EGFR: variants seen among roughly 807,000 people sequenced by gnomAD.
EGFR encodes the protein avian erythroblastic leukemia viral (v-erb-b) oncogene homolog.
A neutral mutation model predicts 143.0 loss-of-function variants in EGFR; 58 were observed. The ratio of observed to expected loss-of-function variants is 0.41; its 90% CI spans 0.33 to 0.50. EGFR has a LOEUF of 0.50. Among genes scored for constraint, EGFR ranks in the 20% least tolerant of loss-of-function variants. The pLI is 0.39. For synonymous variants in EGFR, 613 were observed against 594.4 expected, an observed-to-expected ratio of 1.03 and a Z score of -0.45; for missense variants, 1,307 against 1,579.0, an observed-to-expected ratio of 0.83 and a Z score of 2.92.
chr7:55,049,798 A>G (rs764413643), intron 1 of EGFR, among the ~76,000 whole-genome samples: 4 of 152,236 alleles, frequency 2.6e-5, no homozygotes, highest in Non-Finnish European at 5.9e-5. Flanking sequence ...TCCCTTGCTT[A>G]CAGATTGCAT....
Position 55,192,849 on chromosome 7 carries a change from A to G in EGFR, c.2701+8A>G, listed in dbSNP as rs1395132436. ...GTGATGTCTGGAGCTACGGTGAGTC[A>G]TAATCCTGATGCTAATGAGTTTGTA... On this transcript the variant is annotated splice_region_variant and intron_variant, in intron 22 of 27. Transcript: ENST00000275493. 1 of 1,613,648 alleles carries G rather than the reference A, an allele frequency of 6.2e-7. No homozygotes were observed. Among genetic ancestry groups the G allele is most frequent in the Non-Finnish European group, 8.5e-7 (1 of 1,179,590 alleles).
intron 11 of EGFR, among the ~76,000 whole-genome samples, chr7:55,159,928 A>G (rs1007083725): frequency 1.6e-4 from 24 of 152,358 alleles, no homozygotes; most frequent in African/African-American, 5.8e-4. Flanking sequence ...GGTTAAAGAT[A>G]CTAAATAAAC....
At chr7:55,116,289 C>T (rs1792836422) in intron 1 of EGFR, among the ~76,000 whole-genome samples, 2 of 152,228 alleles carry the variant, frequency 1.3e-5, no homozygotes, top group South Asian at 4.1e-4. Flanking sequence ...ATTGAGATTC[C>T]TGTGCCCACG....
chr7:55,038,509 C>T (rs1003283278), intron 1 of EGFR, among the ~76,000 whole-genome samples: 1 of 152,146 alleles, frequency 6.6e-6, no homozygotes, highest in Non-Finnish European at 1.5e-5. Context: ...TGCAAACACA[C>T]GTGTGGTCCC....
rs190745449 is a variant in EGFR at position 55,161,999 on chromosome 7, G to A, written c.1631+368G>A. Among the ~76,000 whole-genome samples, 14 of 152,296 alleles carry A rather than the reference G, an allele frequency of 9.2e-5. 1 individual carries two copies. The highest frequency in any genetic ancestry group is 6.2e-4 in the South Asian group (3 of 4,824). ...ATTTGGGCTTTTCTTTGTAGTGCCC[G>A]ATTCCTGGTGTGTGAAAATAAATTA... On this transcript the variant is annotated intron_variant, in intron 13 of 27. Transcript: ENST00000275493.
At chr7:55,105,865 A>G (rs1792095687) in intron 1 of EGFR, among the ~76,000 whole-genome samples, 1 of 152,260 alleles carries the variant, frequency 6.6e-6, no homozygotes, top group Non-Finnish European at 1.5e-5. Context: ...GACATAATTT[A>G]AGACAAATGT....
intron 1 of EGFR, among the ~76,000 whole-genome samples, chr7:55,055,168 C>G (rs565597886): frequency 6.6e-6 from 1 of 152,178 alleles, no homozygotes; most frequent in Non-Finnish European, 1.5e-5. Context: ...CTTCCCACCC[C>G]CTGCTCATCT....
intron 1 of EGFR, among the ~76,000 whole-genome samples, chr7:55,029,437 T>C (rs1787126680): frequency 6.6e-6 from 1 of 152,194 alleles, no homozygotes; most frequent in South Asian, 2.1e-4. Flanking sequence ...TTCCCTTCCT[T>C]CTTTCTCTTC....
At chr7:55,113,318 G>A (rs964616155) in intron 1 of EGFR, among the ~76,000 whole-genome samples, 17 of 152,180 alleles carry the variant, frequency 1.1e-4, no homozygotes, top group Admixed American at 3.9e-4. Flanking sequence ...TACACAGTAC[G>A]CTTTCAGTAA....
intron 11 of EGFR, 36 bp downstream of exon 11, chr7:55,157,789 T>C (rs1248983318): frequency 6.2e-7 from 1 of 1,607,298 alleles, no homozygotes; most frequent in African/African-American, 1.3e-5. Context: ...GTAGATTACA[T>C]TTGCCTTTTT....
chr7:55,202,855 A>AATC, intron 27 of EGFR: 2 of 672,176 alleles, frequency 3.0e-6, no homozygotes, highest in Non-Finnish European at 5.4e-6. Flanking sequence ...TGTAAGAATG[A>AATC]ATCTGCAAAA....
intron 1 of EGFR, among the ~76,000 whole-genome samples, chr7:55,049,138 T>TTTTTTATACTCAAA (rs1788340617): frequency 1.3e-5 from 2 of 152,212 alleles, no homozygotes; most frequent in Non-Finnish European, 2.9e-5. Context: ...TTTTACAGGA[T>TTTTTTATACTCAAA]TTTTTATACT....
In EGFR at chr7:55,132,161, A is replaced by T. The variant is rs531522439; in HGVS notation, c.89-10125A>T. On this transcript the variant is annotated intron_variant, in intron 1 of 27. Coordinates refer to ENST00000275493, the MANE Select transcript of EGFR (RefSeq NM_005228.5). ...AGTAGAGATTGATTTTTTAAAAAACATGGGTAAAAATTGAAGAAAAATTTT... is the reference window on the plus strand; with the variant it reads ...AGTAGAGATTGATTTTTTAAAAAACTTGGGTAAAAATTGAAGAAAAATTTT... Among the ~76,000 whole-genome samples, 11 of 152,254 alleles carry T rather than the reference A, an allele frequency of 7.2e-5. No individual in the cohort carries two copies. In the East Asian group the frequency reaches 2.1e-3, roughly 29 times the overall value.
chr7:55,106,439 T>C (rs1279167347), intron 1 of EGFR, among the ~76,000 whole-genome samples: 1 of 152,196 alleles, frequency 6.6e-6, no homozygotes, highest in African/African-American at 2.4e-5. Flanking sequence ...GCAATATGCC[T>C]TCATTTCCTA....
chr7:55,031,404 A>C (rs1230324282), intron 1 of EGFR, among the ~76,000 whole-genome samples: 2 of 152,232 alleles, frequency 1.3e-5, no homozygotes, highest in Non-Finnish European at 2.9e-5. Flanking sequence ...AAGTTCAGCA[A>C]TTTGATGAAG....
intron 1 of EGFR, among the ~76,000 whole-genome samples, chr7:55,036,368 G>A (rs114270910): frequency 0.011 from 1,679 of 151,110 alleles, 27 homozygotes; most frequent in African/African-American, 0.038. Flanking sequence ...TTTCAGGATA[G>A]GTGTCCTAAA....
intron 1 of EGFR, among the ~76,000 whole-genome samples, chr7:55,073,906 T>A (rs1317203289): frequency 1.3e-5 from 2 of 152,228 alleles, no homozygotes; most frequent in East Asian, 3.8e-4. Context: ...AAGAAACACA[T>A]TTTAGGCAAA....
intron 7 of EGFR, among the ~76,000 whole-genome samples, chr7:55,155,149 AC>A (rs1187413530): frequency 6.6e-6 from 1 of 152,204 alleles, no homozygotes; most frequent in Non-Finnish European, 1.5e-5. Context: ...TAAAACAGGA[AC>A]AGGCCAGGCA....
chr7:55,098,048 C>T (rs1277468382), intron 1 of EGFR, among the ~76,000 whole-genome samples: 1 of 152,180 alleles, frequency 6.6e-6, no homozygotes, highest in African/African-American at 2.4e-5. Context: ...ACAGTAACTA[C>T]TGCTAACATA....
Sources: allele counts gnomAD v4.1 joint callset (sites outside exome capture counted in the v4.1 genomes callset), GRCh38; gene constraint gnomAD v4.1.1; transcripts MANE v1.5; gene names NCBI Gene and HGNC (gene_info 2026-07-23, HGNC 2026-07-21).